TBX5: variants seen among roughly 807,000 people sequenced by gnomAD.
TBX5 encodes T-box transcription factor 5.
A neutral mutation model predicts 51.1 loss-of-function variants in TBX5; 8 were observed. The observed-to-expected ratio is 0.16, with a 90% CI of 0.09 to 0.28. TBX5 has a LOEUF of 0.28. Among genes scored for constraint, TBX5 ranks in the 10% least tolerant of loss-of-function variants. The pLI, the probability that TBX5 is intolerant of heterozygous loss-of-function variation, is 1.00. For synonymous variants in TBX5, 302 were observed against 266.4 expected (o/e 1.13, Z -1.30); for missense variants, 589 against 671.7 (o/e 0.88, Z 1.36).
upstream of TBX5, chr12:114,407,129 G>C (rs1481505711): frequency 2.0e-6 from 2 of 984,642 alleles, no homozygotes; most frequent in Non-Finnish European, 2.4e-6. Context: ...CTCTGTGACT[G>C]CTCTGCTAAA....
chr12:114,401,843 G>T lies in TBX5; in HGVS notation c.225C>A (p.Ile75=). The T allele has an allele frequency of 6.2e-7, 1 of 1,614,048 alleles. No homozygotes were observed. The change falls in exon 3 of 9, where the codon ATC becomes ATA. Residue 75 remains isoleucine (I), a synonymous_variant. Transcript: ENST00000405440. ...CATCTCACCTTCCAGCCTTGGTTATGATCATTTCCGTGCCCACTTCGTGGA... is the reference window on the plus strand; with the variant it reads ...CATCTCACCTTCCAGCCTTGGTTATTATCATTTCCGTGCCCACTTCGTGGA... ...LKFHEVGTEM[I]ITKAGRRMFP...
At chr12:114,361,033 C>A (rs1214719091) in intron 8 of TBX5, among the ~76,000 whole-genome samples, 1 of 152,142 alleles carries the variant, frequency 6.6e-6, no homozygotes, top group African/African-American at 2.4e-5. Context: ...CCACCATGTC[C>A]TCCACTTATC....
Position 114,405,671 on chromosome 12 carries a change from C to G in TBX5, c.-82G>C, listed in dbSNP as rs1872170040. 2 of 982,312 alleles carry G rather than the reference C, an allele frequency of 2.0e-6. No homozygotes were observed. The highest frequency in any genetic ancestry group is 6.1e-5 in the Admixed American group (1 of 16,272). 60.8% of individuals were successfully genotyped at this position (982,312 alleles called of 1,614,324 possible). A position where few individuals can be genotyped will look rare whatever the true frequency, so the allele number is the denominator to read the frequency against. On this transcript the variant is annotated 5_prime_UTR_variant, in exon 1 of 9. Coordinates refer to ENST00000405440, the MANE Select transcript of TBX5 (RefSeq NM_181486.4). ...TGCATTCACCACATCCTCTGCTGCT[C>G]CTAGCAGGGAAGCCGGCGGTGAGGC...
intron 5 of TBX5, among the ~76,000 whole-genome samples, chr12:114,395,551 C>G (rs1871369517): frequency 6.6e-6 from 1 of 151,962 alleles, no homozygotes. Context: ...CCAAGGATGT[C>G]GGCTCATAAG....
rs543838649 is a variant in TBX5 at position 114,373,072 on chromosome 12, T to C, written c.756-6681A>G. On this transcript the variant is annotated intron_variant, in intron 7 of 8. Transcript: ENST00000405440. ...ACTATTTTGTAAATATACATTATTA[T>C]ATTTTGGAGCAGAGGTTCTTACCCA... Among the ~76,000 whole-genome samples, 6 of 152,202 alleles carry C rather than the reference T, an allele frequency of 3.9e-5. No homozygotes were observed. The East Asian group carries it at 1.2e-3, about 29-fold the overall frequency.
intron 6 of TBX5, among the ~76,000 whole-genome samples, chr12:114,393,389 C>CT (rs1871261049): frequency 1.3e-5 from 2 of 152,156 alleles, no homozygotes; most frequent in African/African-American, 4.8e-5. Flanking sequence ...CTGCTTAATA[C>CT]TCCTAACAGT....
At chr12:114,369,803 C>CT (rs1263198782) in intron 7 of TBX5, among the ~76,000 whole-genome samples, 9 of 151,846 alleles carry the variant, frequency 5.9e-5, no homozygotes, top group Admixed American at 5.9e-4. Flanking sequence ...GGAGCCTGCT[C>CT]TTTTTTTAAT....
At chr12:114,397,613 C>T (rs1202715635) in intron 5 of TBX5, among the ~76,000 whole-genome samples, 2 of 152,154 alleles carry the variant, frequency 1.3e-5, no homozygotes, top group Non-Finnish European at 2.9e-5. Flanking sequence ...AAAACCTACA[C>T]ATTCTTTTGG....
intron 7 of TBX5, among the ~76,000 whole-genome samples, chr12:114,368,272 C>T (rs751795196): frequency 1.3e-5 from 2 of 152,112 alleles, no homozygotes; most frequent in Non-Finnish European, 2.9e-5. Flanking sequence ...GAGTTTGAGG[C>T]TGCAGTGAGC....
rs918381573 is a variant in TBX5, at chr12:114,398,594, G to A, written c.489C>T (p.Asn163=). 1 of 1,613,654 alleles carries A rather than the reference G, an allele frequency of 6.2e-7. No individual in the cohort carries two copies. The highest frequency in any genetic ancestry group is 8.5e-7 in the Non-Finnish European group (1 of 1,179,880). ...VSFQKLKLTN[N]HLDPFGHIIL... is the part of the protein sequence containing the mutation. ...TCACATGCCCAAATGGGTCCAGGTG[G>A]TTGTTGGTGAGCTTGAGTTTCTGGA... Residue 163 remains asparagine, a synonymous_variant, in exon 5 of 9, where the codon AAC becomes AAT. Transcript: ENST00000405440.
At position 114,389,729 on chromosome 12, in the gene TBX5, G is replaced by A. The variant is rs528910184; in HGVS notation, c.664-4162C>T. Among the ~76,000 whole-genome samples, 297 of 119,098 alleles carry A rather than the reference G, an allele frequency of 2.5e-3. 2 individuals carry two copies. The highest frequency in any genetic ancestry group is 0.01 in the South Asian group (33 of 3,194). 78.1% of individuals were successfully genotyped at this position (119,098 alleles called of 152,430 possible). ...AGATCCCGCCACTGCACTCCAGCCT[G>A]GGCGACAGAGCGAGACTCCGTCTCA... is the stretch of plus-strand genomic sequence containing the variant. On this transcript the variant is annotated intron_variant, in intron 6 of 8. Transcript: ENST00000405440.
At chr12:114,397,763 G>C (rs1438235007) in intron 5 of TBX5, among the ~76,000 whole-genome samples, 1 of 151,964 alleles carries the variant, frequency 6.6e-6, no homozygotes, top group Non-Finnish European at 1.5e-5. Context: ...TGGAAAGGGA[G>C]AAAGCTGGTT....
At chr12:114,382,658 G>T (rs970448853) in intron 7 of TBX5, among the ~76,000 whole-genome samples, 1 of 152,102 alleles carries the variant, frequency 6.6e-6, no homozygotes, top group Non-Finnish European at 1.5e-5. Flanking sequence ...TTAGCCAGGC[G>T]TGGTGGTGAA....
chr12:114,384,977 G>A (rs1053764208), intron 7 of TBX5, among the ~76,000 whole-genome samples: 5 of 151,972 alleles, frequency 3.3e-5, no homozygotes, highest in South Asian at 2.1e-4. Context: ...TAAAAATACC[G>A]AGCAATTTTT....
At chr12:114,386,823 G>A (rs1870838486) in intron 6 of TBX5, among the ~76,000 whole-genome samples, 1 of 152,108 alleles carries the variant, frequency 6.6e-6, no homozygotes, top group Non-Finnish European at 1.5e-5. Flanking sequence ...GCCAGCCATG[G>A]TGGCTCATGC....
In TBX5 at chr12:114,406,058, C is replaced by T; in HGVS notation, c.-469G>A. 1 of 981,014 alleles carries T rather than the reference C, an allele frequency of 1.0e-6. No individual in the cohort carries two copies. The highest frequency in any genetic ancestry group is 4.7e-5 in the South Asian group (1 of 21,194). 60.8% of individuals were successfully genotyped at this position (981,014 alleles called of 1,614,324 possible). On this transcript the variant is annotated 5_prime_UTR_variant, in exon 1 of 9. Coordinates refer to ENST00000405440, the MANE Select transcript of TBX5 (RefSeq NM_181486.4). ...GAGGTAAGAGTCAGTCTCTCTCACT[C>T]TCTCTCCCTCTCTCTCTCTCTCTGA...
At position 114,384,714 on chromosome 12, in the gene TBX5, AACACAC is replaced by A. The variant is rs1555225276; in HGVS notation, c.755+756_755+761del. Among the ~76,000 whole-genome samples the A allele has an allele frequency of 9.7e-5, 14 of 143,952 alleles. No individual in the cohort carries two copies. In the East Asian group the frequency reaches 1.4e-3, roughly 15 times the overall value. 94.4% of individuals were successfully genotyped at this position (143,952 alleles called of 152,430 possible). On this transcript the variant is annotated intron_variant, in intron 7 of 8. Transcript: ENST00000405440. ...AAACCCACCAAACAGAAAAAAAGAA[AACACAC>A]ACACACACACACACACACACACACA... is the stretch of plus-strand genomic sequence containing the variant.
chr12:114,395,829 AGAGGAG>A (rs1026735816), intron 5 of TBX5, among the ~76,000 whole-genome samples: 2 of 152,118 alleles, frequency 1.3e-5, no homozygotes, highest in Non-Finnish European at 2.9e-5. Flanking sequence ...ATCATTAGGA[AGAGGAG>A]GAGGAGGAGG....
At chr12:114,358,802 TTTGTTTG>T (rs1869067927) in intron 8 of TBX5, among the ~76,000 whole-genome samples, 1 of 136,472 alleles carries the variant, frequency 7.3e-6, no homozygotes, top group Non-Finnish European at 1.7e-5. Flanking sequence ...TGTTTGTTTG[TTTGTTTG>T]GAGGCTTGAA....
Sources: gnomAD v4.1 joint callset for allele counts (sites outside exome capture counted in the v4.1 genomes callset) on GRCh38, gnomAD v4.1.1 for gene constraint, MANE v1.5 for transcripts, NCBI Gene and HGNC (gene_info 2026-07-23, HGNC 2026-07-21) for gene names.